DENND4C: variants seen among roughly 807,000 people sequenced by gnomAD.
DENND4C encodes the protein DENN domain containing 4C.
In DENND4C, 108 loss-of-function variants were observed where a neutral mutation model predicts 203.0. The ratio of observed to expected loss-of-function variants is 0.53; its 90% CI spans 0.46 to 0.62. The LOEUF (loss-of-function observed/expected upper bound fraction) is 0.62. Among genes scored for constraint, DENND4C ranks in the 20% least tolerant of loss-of-function variants. The pLI, the probability that DENND4C is intolerant of heterozygous loss-of-function variation, is 0.00. For missense variants in DENND4C, 2,481 were observed against 2,301.2 expected (o/e 1.08, Z -1.60); for synonymous variants, 871 against 792.4 (o/e 1.10, Z -1.67).
At chr9:19,321,476 T>TG (rs1588915365) in intron 12 of DENND4C, among the ~76,000 whole-genome samples, 2 of 151,980 alleles carry the variant, frequency 1.3e-5, no homozygotes, top group South Asian at 4.2e-4. Flanking sequence ...AAGGTTTTTT[T>TG]TTTTGTTTTG....
At chr9:19,300,920 CT>C (rs1204623903) in intron 9 of DENND4C, among the ~76,000 whole-genome samples, 67 of 152,172 alleles carry the variant, frequency 4.4e-4, no homozygotes, top group South Asian at 2.1e-4. Flanking sequence ...TGGCTTACAC[CT>C]GTAATCCCAG....
chr9:19,324,279 A>G, intron 12 of DENND4C, 83 bp from the exon 13 acceptor site: 1 of 1,020,994 alleles, frequency 9.8e-7, no homozygotes, highest in Non-Finnish European at 1.4e-6. Context: ...AGAATGTAAT[A>G]TAGATAAGTA....
intron 25 of DENND4C, 86 bp from the exon 26 acceptor site, chr9:19,352,403 TA>T (rs910599739): frequency 4.3e-5 from 57 of 1,335,780 alleles, no homozygotes; most frequent in Middle Eastern, 2.0e-4. Context: ...ATCAGTAGAA[TA>T]AAAAAAATCC....
In DENND4C at chr9:19,346,458, A is replaced by G. The variant is rs1822906954; in HGVS notation, c.3689A>G (p.Lys1230Arg). ...LKTVSKDLRN[K>R]RSSLYGIAKV... ...ACAGTATCCAAAGATCTGAGGAATAAGAGAAGTAGTTTATATGGTATTGCT... is the reference window on the plus strand; with the variant it reads ...ACAGTATCCAAAGATCTGAGGAATAGGAGAAGTAGTTTATATGGTATTGCT... The change falls in exon 23 of 33, where the codon AAG becomes AGG. Residue 1230 changes from lysine (K) to arginine (R), a missense_variant. Lys to Arg is a conservative substitution (Grantham distance 26). This residue lies in a region of DENND4C where 2,289 missense variants were observed against 2,113.3 expected (regional missense o/e 1.08). Transcript: ENST00000434457. The G allele has an allele frequency of 1.2e-6, 2 of 1,614,102 alleles. No individual in the cohort carries two copies. Among genetic ancestry groups the G allele is most frequent in the Admixed American group, 1.7e-5 (1 of 59,998 alleles).
chr9:19,269,985 T>C lies in DENND4C; in HGVS notation c.-17-6173T>C, dbSNP rs1019238917. Among the ~76,000 whole-genome samples, 22 of 152,346 alleles carry C rather than the reference T, an allele frequency of 1.4e-4. 2 individuals carry two copies. Among genetic ancestry groups the C allele is most frequent in the Admixed American group, 4.6e-4 (7 of 15,304 alleles). ...AGCCGTATCTACATTAGGGAGCACC[T>C]TAAGCCCAGTAATGCTGTGACTCTT... On this transcript the variant is annotated intron_variant, in intron 1 of 32. Transcript: ENST00000434457.
chr9:19,350,917 A>G, intron 24 of DENND4C, 38 bp downstream of exon 24: 1 of 1,547,488 alleles, frequency 6.5e-7, no homozygotes, highest in Non-Finnish European at 8.7e-7. Flanking sequence ...TTTGCTTTAT[A>G]ATAGTTTTTG....
rs1826218486 is a variant in DENND4C, at chr9:19,360,421, C to T, written c.5338C>T (p.Arg1780Cys). 5 of 1,614,056 alleles carry T rather than the reference C, an allele frequency of 3.1e-6. No individual in the cohort carries two copies. The highest frequency in any genetic ancestry group is 4.2e-6 in the Non-Finnish European group (5 of 1,179,972). Residue 1780 changes from arginine to cysteine, a missense_variant, in exon 29 of 33, where the codon CGT (arginine) becomes TGT (cysteine). By Grantham distance (180) the Arg-to-Cys change is radical. Around this residue, in one of 3 missense-constraint regions of DENND4C, gnomAD observed 2,289 missense variants for 2,113.3 expected, o/e 1.08. Transcript: ENST00000434457. The part of the protein sequence containing the change: ...IFWNLVWYFR[R>C]LDLPSNLPGL... The stretch of plus-strand genomic sequence containing the variant: ...CTGGAACCTCGTTTGGTATTTCAGA[C>T]GTTTGGACCTTCCTAGTAACTTGCC...
At chr9:19,261,670 A>AT (rs79471192) in intron 1 of DENND4C, among the ~76,000 whole-genome samples, 3,907 of 143,950 alleles carry the variant, frequency 0.027, 85 homozygotes, top group African/African-American at 0.057. Context: ...GGCCGGGCTA[A>AT]TTTTTTTTTT....
chr9:19,314,502 A>C lies in DENND4C; in HGVS notation c.1488-1915A>C, dbSNP rs145077652. 5.3e-5 allele frequency among the ~76,000 whole-genome samples: 8 copies of C among 152,248 alleles called. No individual in the cohort carries two copies. The East Asian group carries it at 1.5e-3, about 29-fold the overall frequency. ...GTGATGGGTGCACCTAAATCTCAGA[A>C]ATCACCACTAAAGAACTAATTCATG... is the stretch of plus-strand genomic sequence containing the variant. On this transcript the variant is annotated intron_variant, in intron 10 of 32. Coordinates refer to ENST00000434457, the MANE Select transcript of DENND4C (RefSeq NM_001330640.2).
chr9:19,343,185 C>T (rs928532895), intron 22 of DENND4C, among the ~76,000 whole-genome samples: 2 of 152,158 alleles, frequency 1.3e-5, no homozygotes, highest in Non-Finnish European at 2.9e-5. Context: ...AAAAGATTCA[C>T]GTCATTTCCC....
At chr9:19,241,046 T>A (rs1346860849) in intron 1 of DENND4C, among the ~76,000 whole-genome samples, 1 of 152,148 alleles carries the variant, frequency 6.6e-6, no homozygotes, top group Non-Finnish European at 1.5e-5. Context: ...ACACCTATAA[T>A]AGGGCACTTA....
chr9:19,359,309 G>A (rs1825991869), intron 28 of DENND4C, among the ~76,000 whole-genome samples: 1 of 151,670 alleles, frequency 6.6e-6, no homozygotes, highest in South Asian at 2.1e-4. Context: ...CTAAACTCCT[G>A]AGCTCAAGTG....
chr9:19,272,290 C>T (rs1352961541), intron 1 of DENND4C, among the ~76,000 whole-genome samples: 1 of 151,648 alleles, frequency 6.6e-6, no homozygotes, highest in African/African-American at 2.4e-5. Context: ...CGTGGTGGGA[C>T]ATGCCTGTAA....
chr9:19,364,713 T>A (rs944120252), intron 30 of DENND4C, among the ~76,000 whole-genome samples: 2 of 152,008 alleles, frequency 1.3e-5, no homozygotes, highest in Admixed American at 1.3e-4. Context: ...GCCAACATGA[T>A]AAAACCCCGC....
At chr9:19,269,224 G>T (rs1293127012) in intron 1 of DENND4C, among the ~76,000 whole-genome samples, 1 of 151,896 alleles carries the variant, frequency 6.6e-6, no homozygotes, top group Non-Finnish European at 1.5e-5. Flanking sequence ...GTGCAATGGC[G>T]TGATCTTAGC....
At position 19,306,706 on chromosome 9, in the gene DENND4C, CAT is replaced by C. The variant is rs369977382; in HGVS notation, c.1487+1180_1487+1181del. On this transcript the variant is annotated intron_variant, in intron 10 of 32. Transcript: ENST00000434457. ...TTTATAAAACTTCTGGTAATCAAAA[CAT>C]TATTTTCTAAAATAAATGTGAAGTG... is the stretch of plus-strand genomic sequence containing the variant. Among the ~76,000 whole-genome samples the C allele has an allele frequency of 7.3e-3, 1,114 of 151,570 alleles. 13 individuals carry two copies. The highest frequency in any genetic ancestry group is 0.023 in the African/African-American group (968 of 41,380).
chr9:19,286,393 A>T (rs957722769), intron 2 of DENND4C, among the ~76,000 whole-genome samples: 3 of 152,162 alleles, frequency 2.0e-5, no homozygotes, highest in Non-Finnish European at 4.4e-5. Flanking sequence ...TATGAAGCGA[A>T]TTTTTATGAA....
intron 12 of DENND4C, among the ~76,000 whole-genome samples, chr9:19,322,836 A>G (rs1843117706): frequency 6.6e-6 from 1 of 152,186 alleles, no homozygotes; most frequent in South Asian, 2.1e-4. Flanking sequence ...TAAAACACTT[A>G]GTAGAAATAC....
chr9:19,266,808 C>G (rs1564101559), intron 1 of DENND4C, among the ~76,000 whole-genome samples: 1 of 152,128 alleles, frequency 6.6e-6, no homozygotes, highest in Non-Finnish European at 1.5e-5. Flanking sequence ...CTTCCTTACA[C>G]CTTATACAAA....
Sources: gnomAD v4.1 joint callset for allele counts (sites outside exome capture counted in the v4.1 genomes callset) on GRCh38, gnomAD v4.1.1 for gene constraint, gnomAD v4.1.1 regional missense constraint, MANE v1.5 for transcripts, NCBI Gene and HGNC (gene_info 2026-07-23, HGNC 2026-07-21) for gene names.